ABCC9: variants seen among roughly 807,000 people sequenced by gnomAD.
ABCC9 encodes ATP-binding cassette sub-family C member 9.
Under a neutral mutation model 188.3 loss-of-function variants are expected in ABCC9, and 95 were observed. That is an observed-to-expected ratio of 0.50 (90% CI 0.43 to 0.60). The LOEUF is 0.60. Among genes scored for constraint, ABCC9 ranks in the 20% least tolerant of loss-of-function variants. The pLI, the probability that ABCC9 is intolerant of heterozygous loss-of-function variation, is 0.00. For synonymous variants in ABCC9, 659 were observed against 652.7 expected, an observed-to-expected ratio of 1.01 and a Z score of -0.15; for missense variants, 1,102 against 1,876.3, an observed-to-expected ratio of 0.59 and a Z score of 7.62.
rs3061809 is a variant in ABCC9 at position 21,803,656 on chromosome 12, CAA to C, written c.4512+2340_4512+2341del. 1.3e-3 allele frequency among the ~76,000 whole-genome samples: 114 copies of C among 84,578 alleles called. 1 individual carries two copies. The highest frequency in any genetic ancestry group is 5.1e-3 in the Middle Eastern group (1 of 198). 55.5% of individuals were successfully genotyped at this position (84,578 alleles called of 152,430 possible). A position where few individuals can be genotyped will look rare whatever the true frequency, so the allele number is the denominator to read the frequency against. ...GGCAACAAGAGTGAAACTCTGTCTC[CAA>C]AAAAAAAAAAAAAAAAACATTGAAA... On this transcript the variant is annotated intron_variant, in intron 39 of 39. Transcript: ENST00000261200.
chr12:21,857,350 A>G (rs191935169), intron 22 of ABCC9, among the ~76,000 whole-genome samples: 1 of 152,330 alleles, frequency 6.6e-6, no homozygotes, highest in Admixed American at 6.5e-5. Context: ...TGACACTAAT[A>G]TTAGAATGTT....
intron 30 of ABCC9, among the ~76,000 whole-genome samples, chr12:21,837,251 A>G (rs1269394174): frequency 6.6e-6 from 1 of 152,208 alleles, no homozygotes; most frequent in African/African-American, 2.4e-5. Context: ...TGCAGAAAGC[A>G]TGAATGCTTC....
rs546862783 is a variant in ABCC9 at position 21,905,414 on chromosome 12, T to TAA, written c.1618+710_1618+711dup. ...TGTACCCTAGAACTTAAAGTATAAT[T>TAA]AAAAAAAAAAAGAATGCTATGATTT... On this transcript the variant is annotated intron_variant, in intron 12 of 39. Transcript: ENST00000261200. Among the ~76,000 whole-genome samples the TAA allele has an allele frequency of 2.1e-5, 3 of 144,918 alleles. No homozygotes were observed. In the Admixed American group the frequency reaches 2.1e-4, roughly 10 times the overall value.
chr12:21,859,745 A>G (rs1437502229), intron 21 of ABCC9, 79 bp from the exon 22 acceptor site: 4 of 1,210,046 alleles, frequency 3.3e-6, no homozygotes, highest in Non-Finnish European at 4.9e-6. Flanking sequence ...TAAATTACAA[A>G]CGTCTTTTTA....
At chr12:21,827,079 T>A (rs926544946) in intron 31 of ABCC9, 3 of 974,092 alleles carry the variant, frequency 3.1e-6, no homozygotes, top group Non-Finnish European at 3.7e-6. Flanking sequence ...GAGTCTATTA[T>A]ATTTAGACAG....
chr12:21,893,168 A>G (rs904556753), intron 14 of ABCC9, among the ~76,000 whole-genome samples: 1 of 122,664 alleles, frequency 8.2e-6, no homozygotes, highest in Admixed American at 9.2e-5. Context: ...ACATTTTTAT[A>G]AGTAAAAATG....
At chr12:21,875,957 G>A (rs1333930306) in intron 16 of ABCC9, among the ~76,000 whole-genome samples, 4 of 151,936 alleles carry the variant, frequency 2.6e-5, no homozygotes, top group Admixed American at 6.6e-5. Context: ...GGTGGCAGGC[G>A]CCTGTAGTCC....
At chr12:21,925,687 C>G (rs1347023581) in intron 5 of ABCC9, 8 of 626,024 alleles carry the variant, frequency 1.3e-5, no homozygotes, top group Admixed American at 5.1e-5. Context: ...TCCCCCACCC[C>G]CCTACACCAC....
chr12:21,924,063 A>G (rs1269633916), intron 5 of ABCC9: 2 of 405,730 alleles, frequency 4.9e-6, no homozygotes, highest in Non-Finnish European at 8.7e-6. Context: ...AACCTAATCC[A>G]TGGTGGGGGT....
At chr12:21,930,922 ATC>A (rs779034106) in intron 4 of ABCC9, among the ~76,000 whole-genome samples, 2 of 152,164 alleles carry the variant, frequency 1.3e-5, no homozygotes, top group Non-Finnish European at 2.9e-5. Flanking sequence ...TATATAGGGA[ATC>A]TCTCTATTTT....
rs1390361974 is a variant in ABCC9 at position 21,926,076 on chromosome 12, G to C, written c.285-13C>G. On this transcript the variant is annotated splice_polypyrimidine_tract_variant and intron_variant, in intron 4 of 39. Coordinates refer to ENST00000261200, the MANE Select transcript of ABCC9 (RefSeq NM_020297.4). ...TGATTCCCGCCGCCTAGAAAGAGCA[G>C]TACGTCAACGCCTAAAGCTGATGGT... 6.2e-7 allele frequency: 1 copy of C among 1,613,960 alleles called. No individual in the cohort carries two copies. Among genetic ancestry groups the C allele is most frequent in the Non-Finnish European group, 8.5e-7 (1 of 1,179,902 alleles).
chr12:21,816,407 T>G (rs1009635554), intron 33 of ABCC9, among the ~76,000 whole-genome samples: 3 of 152,120 alleles, frequency 2.0e-5, no homozygotes, highest in African/African-American at 7.2e-5. Context: ...GGAGGCCCCA[T>G]GATGAAGGCA....
intron 18 of ABCC9, among the ~76,000 whole-genome samples, chr12:21,867,140 A>G (rs1191932060): frequency 6.6e-6 from 1 of 152,172 alleles, no homozygotes; most frequent in Non-Finnish European, 1.5e-5. Flanking sequence ...TCATCTTCCA[A>G]AAACAAATTA....
At chr12:21,864,548 G>A in intron 18 of ABCC9, 71 bp from the exon 19 acceptor site, 1 of 1,065,940 alleles carries the variant, frequency 9.4e-7, no homozygotes, top group African/African-American at 1.6e-5. Context: ...TACACGTCAG[G>A]TAAGAGATAC....
chr12:21,863,042 G>A lies in ABCC9; in HGVS notation c.2250C>T (p.Tyr750=), dbSNP rs909471217. 6.2e-7 allele frequency: 1 copy of A among 1,606,170 alleles called. No individual in the cohort carries two copies. The highest frequency in any genetic ancestry group is 2.2e-5 in the East Asian group (1 of 44,744). Residue 750 remains tyrosine, a synonymous_variant, in exon 20 of 40, where the codon TAC becomes TAT. Coordinates refer to ENST00000261200, the MANE Select transcript of ABCC9 (RefSeq NM_020297.4). ...SFEATRSRNR[Y]SVAYAAQKPW... ...GCTTTTGAGCTGCATATGCCACAGA[G>A]TACCTGTTCCTACTGAAAAATGAAA...
At chr12:21,855,854 G>A (rs573247521) in intron 22 of ABCC9, among the ~76,000 whole-genome samples, 1 of 152,240 alleles carries the variant, frequency 6.6e-6, no homozygotes, top group South Asian at 2.1e-4. Flanking sequence ...CATCTTCCAA[G>A]CATCTCTTAA....
intron 12 of ABCC9, among the ~76,000 whole-genome samples, chr12:21,903,937 G>A (rs1250888108): frequency 6.6e-6 from 1 of 152,092 alleles, no homozygotes. Context: ...CTACTTTAAA[G>A]TTCATATGGA....
intron 36 of ABCC9, among the ~76,000 whole-genome samples, chr12:21,810,779 A>T (rs934869606): frequency 6.6e-6 from 1 of 152,188 alleles, no homozygotes; most frequent in Non-Finnish European, 1.5e-5. Context: ...TGGAGATATA[A>T]ATTCACTATG....
chr12:21,876,065 A>G (rs931676356), intron 16 of ABCC9, among the ~76,000 whole-genome samples: 1 of 152,296 alleles, frequency 6.6e-6, no homozygotes, highest in South Asian at 2.1e-4. Flanking sequence ...AAAATAAAAT[A>G]AAATAAAATA....
Sources: gnomAD v4.1 joint callset for allele counts (sites outside exome capture counted in the v4.1 genomes callset) on GRCh38, gnomAD v4.1.1 for gene constraint, MANE v1.5 for transcripts, NCBI Gene and HGNC (gene_info 2026-07-23, HGNC 2026-07-21) for gene names.